Variants in BRME1 observed in about 807,000 individuals in gnomAD.
BRME1 encodes break repair meiotic recombinase recruitment factor 1.
In BRME1, 31 loss-of-function variants were observed where a neutral mutation model predicts 52.6. The observed-to-expected ratio is 0.59, with a 90% confidence interval of 0.44 to 0.80. The LOEUF is 0.80. Ranked by LOEUF, BRME1 falls within the 30% of genes least tolerant of loss-of-function variation. The pLI, the probability that BRME1 is intolerant of heterozygous loss-of-function variation, is 0.00. For missense variants in BRME1, 804 were observed against 860.3 expected, an observed-to-expected ratio of 0.93 and a Z score of 0.82; for synonymous variants, 359 against 353.6, an observed-to-expected ratio of 1.02 and a Z score of -0.17.
intron 2 of BRME1, among the ~76,000 whole-genome samples, chr19:13,903,534 G>A (rs774001018): frequency 6.6e-6 from 1 of 151,958 alleles, no homozygotes; most frequent in Non-Finnish European, 1.5e-5. Flanking sequence ...TTAGGCGGGC[G>A]TGGTGGTGCA....
At position 13,882,712 on chromosome 19, in the gene BRME1, T is replaced by C. The variant is rs146662718; in HGVS notation, c.*90A>G. On this transcript the variant is annotated 3_prime_UTR_variant, in exon 9 of 9. Coordinates refer to ENST00000586783, the MANE Select transcript of BRME1 (RefSeq NM_001345843.2). ...TTCCGGGCAACTGAAGGGAGGTTTGTAGGGTCCACTAGGACCCCCTGGAGC... is the reference window on the plus strand; with the variant it reads ...TTCCGGGCAACTGAAGGGAGGTTTGCAGGGTCCACTAGGACCCCCTGGAGC... 4 of 1,524,666 alleles carry C rather than the reference T, an allele frequency of 2.6e-6. No individual in the cohort carries two copies. The highest frequency in any genetic ancestry group is 1.8e-6 in the Non-Finnish European group (2 of 1,118,916). The allele number at this position is 1,524,666 out of a possible 1,614,324, so 94.4% of individuals were successfully genotyped here.
At chr19:13,904,572 G>C (rs1970530681) in intron 2 of BRME1, among the ~76,000 whole-genome samples, 1 of 152,004 alleles carries the variant, frequency 6.6e-6, no homozygotes, top group Non-Finnish European at 1.5e-5. Context: ...CTCCCGAGTA[G>C]GTGGGACTAC....
In BRME1 at chr19:13,882,668, T is replaced by C; in HGVS notation, c.*134A>G. 8.4e-7 allele frequency: 1 copy of C among 1,190,052 alleles called. No homozygotes were observed. Among genetic ancestry groups the C allele is most frequent in the Non-Finnish European group, 1.2e-6 (1 of 834,158 alleles). 73.7% of individuals were successfully genotyped at this position (1,190,052 alleles called of 1,614,324 possible). ...CCAGGACCTCACGGCCTCCTTTGTGTTGTCCATGGAAGACCAACTTCCGGG... is the reference window on the plus strand; with the variant it reads ...CCAGGACCTCACGGCCTCCTTTGTGCTGTCCATGGAAGACCAACTTCCGGG... On this transcript the variant is annotated 3_prime_UTR_variant, in exon 9 of 9. Transcript: ENST00000586783.
chr19:13,896,597 AAT>A lies in BRME1; in HGVS notation c.32-1053_32-1052del, dbSNP rs561990402. ...GGATTCAGCCTCAGCCAAATATGTA[AAT>A]ATATATATTTATACATATGTATTTA... On this transcript the variant is annotated intron_variant, in intron 2 of 8. Transcript: ENST00000586783. 1.6e-3 allele frequency among the ~76,000 whole-genome samples: 230 copies of A among 146,168 alleles called. 3 individuals carry two copies. The highest frequency in any genetic ancestry group is 5.7e-3 in the African/African-American group (224 of 39,456).
chr19:13,889,646 C>A lies in BRME1; in HGVS notation c.1210G>T (p.Asp404Tyr), dbSNP rs766283631. 7 of 1,608,848 alleles carry A rather than the reference C, an allele frequency of 4.4e-6. No homozygotes were observed. In the Admixed American group the frequency reaches 5.0e-5, roughly 12 times the overall value. The change falls in exon 6 of 9, where the codon GAT becomes TAT. Residue 404 changes from aspartate (D) to tyrosine (Y), a missense_variant. Around this residue, in one of 3 missense-constraint regions of BRME1, gnomAD observed 552 missense variants for 561.1 expected, o/e 0.98. Coordinates refer to ENST00000586783, the MANE Select transcript of BRME1 (RefSeq NM_001345843.2). ...AGGACATCGCCGGGGGGCTTGCCAT[C>A]CTGCCCTGCCTCCCCACTTTCTCCT... ...TTGESGEAGQDGKPPGDVLVG... is the reference protein window; with the variant it reads ...TTGESGEAGQYGKPPGDVLVG...
chr19:13,903,218 C>T (rs945674716), intron 2 of BRME1, among the ~76,000 whole-genome samples: 6 of 152,164 alleles, frequency 3.9e-5, no homozygotes, highest in African/African-American at 2.4e-5. Context: ...TACTAATCCA[C>T]ATGTGAGCTC....
chr19:13,890,690 C>T (rs1281923634), intron 5 of BRME1, among the ~76,000 whole-genome samples: 2 of 151,994 alleles, frequency 1.3e-5, no homozygotes, highest in African/African-American at 4.8e-5. Context: ...AATGGTGAAA[C>T]CCCATCTCTA....
chr19:13,902,716 G>GA (rs1970382756), intron 2 of BRME1, among the ~76,000 whole-genome samples: 1 of 151,866 alleles, frequency 6.6e-6, no homozygotes, highest in Non-Finnish European at 1.5e-5. Context: ...CAGATCACCT[G>GA]AGGTTGGGAG....
chr19:13,901,130 A>T (rs1292224617), intron 2 of BRME1, among the ~76,000 whole-genome samples: 1 of 150,114 alleles, frequency 6.7e-6, no homozygotes, highest in Non-Finnish European at 1.5e-5. Flanking sequence ...GCACCACCAC[A>T]CTGGTTAATT....
chr19:13,894,449 C>T (rs1416829373), intron 3 of BRME1, among the ~76,000 whole-genome samples: 6 of 151,928 alleles, frequency 3.9e-5, no homozygotes, highest in African/African-American at 9.7e-5. Flanking sequence ...CGCTTGAACC[C>T]GGGAGGTGGA....
At chr19:13,884,008 A>G (rs1217530369) in intron 7 of BRME1, among the ~76,000 whole-genome samples, 1 of 151,718 alleles carries the variant, frequency 6.6e-6, no homozygotes, top group African/African-American at 2.4e-5. Flanking sequence ...GTAGCATTCA[A>G]CTCTGTGTTT....
In BRME1 at chr19:13,888,974, G is replaced by A. The variant is rs116074694; in HGVS notation, c.1668+214C>T. ...GTGTGTCACCATCCCTAGATATGTC[G>A]ACAACCACCAAAAGGCAGGTCTACA... On this transcript the variant is annotated intron_variant, in intron 6 of 8. Coordinates refer to ENST00000586783, the MANE Select transcript of BRME1 (RefSeq NM_001345843.2). This position sits in a 1 kb window ranked among gnomAD's most constrained non-coding sequence, Gnocchi z 4.1. Among the ~76,000 whole-genome samples the A allele has an allele frequency of 2.1e-3, 323 of 152,216 alleles. 3 individuals carry two copies. The highest frequency in any genetic ancestry group is 6.4e-3 in the African/African-American group (265 of 41,512).
At chr19:13,895,689 T>C in intron 2 of BRME1, 143 bp from the exon 3 acceptor site, 1 of 682,960 alleles carries the variant, frequency 1.5e-6, no homozygotes, top group Non-Finnish European at 2.5e-6. Flanking sequence ...CCCAAGTGCC[T>C]GTAAGAGCAT....
In BRME1 at chr19:13,888,598, C is replaced by T. The variant is rs1473753053; in HGVS notation, c.1668+590G>A. 6.6e-6 allele frequency among the ~76,000 whole-genome samples: 1 copy of T among 152,256 alleles called. No homozygotes were observed. The highest frequency in any genetic ancestry group is 2.4e-5 in the African/African-American group (1 of 41,468). ...CCGGCTCTGGAGCCAGAGGAGGCCA[C>T]ATCCGGGCAGCCGGTGGGGCGGGCA... is the stretch of plus-strand genomic sequence containing the variant. On this transcript the variant is annotated intron_variant, in intron 6 of 8. Transcript: ENST00000586783. This position sits in a 1 kb window ranked among gnomAD's most constrained non-coding sequence, Gnocchi z 4.1.
At chr19:13,887,465 T>C (rs2145129239) in intron 6 of BRME1, among the ~76,000 whole-genome samples, 1 of 152,292 alleles carries the variant, frequency 6.6e-6, no homozygotes, top group Admixed American at 6.5e-5. Context: ...AGTCTGGATT[T>C]CAGGGTCTTT....
intron 2 of BRME1, among the ~76,000 whole-genome samples, chr19:13,897,859 T>C (rs777612154): frequency 1.3e-5 from 2 of 151,582 alleles, no homozygotes; most frequent in Non-Finnish European, 1.5e-5. Flanking sequence ...AGAGCCTGTC[T>C]CAAAAAAACA....
intron 2 of BRME1, among the ~76,000 whole-genome samples, chr19:13,900,657 T>C (rs1970234352): frequency 6.6e-6 from 1 of 152,112 alleles, no homozygotes; most frequent in Non-Finnish European, 1.5e-5. Flanking sequence ...CTCTACTACA[T>C]CATATTGGGA....
intron 6 of BRME1, among the ~76,000 whole-genome samples, chr19:13,886,423 C>T (rs558615752): frequency 2.7e-4 from 41 of 152,308 alleles, no homozygotes; most frequent in African/African-American, 9.1e-4. Context: ...ACTGTCTTTA[C>T]GGGTACAGAG....
intron 6 of BRME1, among the ~76,000 whole-genome samples, chr19:13,886,317 A>G (rs1969015720): frequency 6.6e-6 from 1 of 152,204 alleles, no homozygotes; most frequent in Non-Finnish European, 1.5e-5. Context: ...GTCCGCTCCT[A>G]GGCCCGGGCC....
Sources: gnomAD v4.1 joint callset for allele counts (sites outside exome capture counted in the v4.1 genomes callset) on GRCh38, gnomAD v4.1.1 for gene constraint, gnomAD v4.1.1 regional missense constraint, Gnocchi (gnomAD v3.1) non-coding constraint, MANE v1.5 for transcripts, NCBI Gene and HGNC (gene_info 2026-07-23, HGNC 2026-07-21) for gene names.